GABRG2: variants seen among roughly 807,000 people sequenced by gnomAD.
GABRG2 encodes gamma-aminobutyric acid receptor subunit gamma-2.
In GABRG2, 16 loss-of-function variants were observed where a neutral mutation model predicts 56.4. That is an observed-to-expected ratio of 0.28 (90% CI 0.19 to 0.43). GABRG2 has a LOEUF of 0.43. GABRG2 is among the 20% of genes least tolerant of loss of function. The pLI, the probability that GABRG2 is intolerant of heterozygous loss-of-function variation, is 1.00. For missense variants in GABRG2, 327 were observed against 582.7 expected (o/e 0.56, Z 4.52); for synonymous variants, 208 against 205.5 (o/e 1.01, Z -0.10).
At chr5:162,140,035 A>G (rs1056919265) in intron 6 of GABRG2, among the ~76,000 whole-genome samples, 1 of 152,222 alleles carries the variant, frequency 6.6e-6, no homozygotes, top group African/African-American at 2.4e-5. Context: ...TTAGGACAAA[A>G]GCAGGGACCA....
intron 6 of GABRG2, among the ~76,000 whole-genome samples, chr5:162,111,519 G>C (rs961208874): frequency 1.3e-5 from 2 of 152,096 alleles, no homozygotes; most frequent in African/African-American, 4.8e-5. Context: ...CCATTGGCGA[G>C]AACTAGTTGC....
chr5:162,110,630 AAACAAC>A (rs200545264), intron 6 of GABRG2, among the ~76,000 whole-genome samples: 44 of 151,502 alleles, frequency 2.9e-4, no homozygotes, highest in African/African-American at 5.8e-4. Flanking sequence ...GTTGGAAGGG[AAACAAC>A]AACAACAACA....
chr5:162,093,087 A>G (rs542191968), intron 1 of GABRG2, among the ~76,000 whole-genome samples: 16 of 152,284 alleles, frequency 1.1e-4, no homozygotes, highest in Admixed American at 2.0e-4. Flanking sequence ...GAATATAATG[A>G]AAGAATATTA....
chr5:162,110,960 A>C (rs1228352847), intron 6 of GABRG2, among the ~76,000 whole-genome samples: 1 of 152,108 alleles, frequency 6.6e-6, no homozygotes, highest in Non-Finnish European at 1.5e-5. Context: ...TGGGGAAGTC[A>C]CTTTCCCTCC....
chr5:162,124,777 T>A (rs1763212525), intron 6 of GABRG2, among the ~76,000 whole-genome samples: 1 of 151,826 alleles, frequency 6.6e-6, no homozygotes, highest in Non-Finnish European at 1.5e-5. Context: ...AGAGATCCAG[T>A]CCTTTATACC....
At chr5:162,067,534 C>G (rs140269779), upstream of GABRG2, 1 of 425,856 alleles carries the variant, frequency 2.3e-6, no homozygotes, top group East Asian at 3.3e-5. Flanking sequence ...GATTTTTTTC[C>G]TATTTATTTT....
At chr5:162,098,565 GAAT>G (rs1244772566) in intron 4 of GABRG2, 1 of 152,314 alleles carries the variant, frequency 6.6e-6, no homozygotes, top group East Asian at 1.9e-4. Context: ...TTATTAGACA[GAAT>G]AATAGATAAG....
chr5:162,109,248 G>A (rs1762061870), intron 6 of GABRG2, among the ~76,000 whole-genome samples: 1 of 151,688 alleles, frequency 6.6e-6, no homozygotes, highest in Admixed American at 6.6e-5. Context: ...GTTGTGGGGT[G>A]GGGGTAGGGG....
At chr5:162,067,564 G>T (rs1581274722), upstream of GABRG2, 1 of 460,152 alleles carries the variant, frequency 2.2e-6, no homozygotes, top group Non-Finnish European at 3.8e-6. Flanking sequence ...CACCCACAGG[G>T]CTCTGCCCCC....
intron 1 of GABRG2, 94 bp from the exon 2 acceptor site, chr5:162,093,734 C>T: frequency 8.5e-7 from 1 of 1,179,826 alleles, no homozygotes; most frequent in Non-Finnish European, 1.3e-6. Context: ...TTTCTTTTAT[C>T]CTGTTTTATT....
At chr5:162,095,670 A>T in intron 3 of GABRG2, 108 bp downstream of exon 3, 1 of 747,446 alleles carries the variant, frequency 1.3e-6, no homozygotes, top group Non-Finnish European at 2.4e-6. Context: ...TAAGTTTAAA[A>T]CTTTAGAAGT....
At chr5:162,085,920 T>A (rs1398574970) in intron 1 of GABRG2, among the ~76,000 whole-genome samples, 1 of 152,022 alleles carries the variant, frequency 6.6e-6, no homozygotes, top group African/African-American at 2.4e-5. Flanking sequence ...CATTGTTTTT[T>A]TATGGCTGCA....
chr5:162,068,049 C>T lies in GABRG2; in HGVS notation c.50C>T (p.Pro17Leu). Reference protein sequence around the residue: ...WSTGSSVYSTPVFSQKMTVWI... With the variant: ...WSTGSSVYSTLVFSQKMTVWI... ...ACAGGAAGCTCAGTCTACTCGACTCCTGTATTTTCACAGAAAATGACGGTG... is the reference window on the plus strand; with the variant it reads ...ACAGGAAGCTCAGTCTACTCGACTCTTGTATTTTCACAGAAAATGACGGTG... Residue 17 changes from proline to leucine, a missense_variant, in exon 1 of 10, where the codon CCT (proline) becomes CTT (leucine). Physicochemically the swap from Pro to Leu is moderately conservative, Grantham distance 98 (BLOSUM62 -3). Around this residue, in one of 4 missense-constraint regions of GABRG2, gnomAD observed 73 missense variants for 72.2 expected, o/e 1.01. Coordinates refer to ENST00000639213, the MANE Select transcript of GABRG2 (RefSeq NM_198904.4). 2 of 1,613,498 alleles carry T rather than the reference C, an allele frequency of 1.2e-6. No homozygotes were observed. The highest frequency in any genetic ancestry group is 1.7e-6 in the Non-Finnish European group (2 of 1,179,856).
intron 1 of GABRG2, among the ~76,000 whole-genome samples, chr5:162,082,214 T>C (rs769232800): frequency 3.9e-4 from 59 of 151,954 alleles, no homozygotes; most frequent in Non-Finnish European, 7.1e-4. Context: ...TATAAGAGCC[T>C]AATTTTACAA....
At chr5:162,131,373 A>G (rs1190620198) in intron 6 of GABRG2, among the ~76,000 whole-genome samples, 2 of 152,152 alleles carry the variant, frequency 1.3e-5, no homozygotes, top group East Asian at 3.9e-4. Flanking sequence ...ACAAAAATCA[A>G]ATGTTCCTGA....
At chr5:162,080,179 T>C (rs923224658) in intron 1 of GABRG2, among the ~76,000 whole-genome samples, 1 of 152,178 alleles carries the variant, frequency 6.6e-6, no homozygotes, top group South Asian at 2.1e-4. Flanking sequence ...AGGAAATAGA[T>C]CTTGATGTCT....
intron 1 of GABRG2, among the ~76,000 whole-genome samples, chr5:162,085,570 AC>A (rs1760021764): frequency 2.0e-5 from 2 of 98,930 alleles, no homozygotes; most frequent in Non-Finnish European, 4.4e-5. Context: ...TTTTTTTTTT[AC>A]TTTTTTTTTT....
intron 1 of GABRG2, among the ~76,000 whole-genome samples, chr5:162,081,504 A>G (rs1369286282): frequency 6.6e-6 from 1 of 151,948 alleles, no homozygotes; most frequent in East Asian, 1.9e-4. Flanking sequence ...AACAACAACA[A>G]CTACAAAATC....
intron 7 of GABRG2, among the ~76,000 whole-genome samples, chr5:162,147,441 T>C (rs1318481600): frequency 6.6e-6 from 1 of 151,998 alleles, no homozygotes; most frequent in East Asian, 1.9e-4. Context: ...TTCAGCTCAT[T>C]GCAACCCCCG....
Sources: gnomAD v4.1 joint callset for allele counts (sites outside exome capture counted in the v4.1 genomes callset) on GRCh38, gnomAD v4.1.1 for gene constraint, gnomAD v4.1.1 regional missense constraint, MANE v1.5 for transcripts, NCBI Gene and HGNC (gene_info 2026-07-23, HGNC 2026-07-21) for gene names.